The following GPC6 variants were observed in gnomAD, a reference collection of about 807,000 sequenced individuals.
GPC6 encodes the protein glypican 6.
Under a neutral mutation model 55.2 loss-of-function variants are expected in GPC6, and 14 were observed. The ratio of observed to expected loss-of-function variants is 0.25; its 90% CI spans 0.17 to 0.40. The LOEUF is 0.40. Ranked by LOEUF, GPC6 falls within the 10% of genes least tolerant of loss-of-function variation. The probability of loss-of-function intolerance (pLI) is 1.00; values close to 1 mark genes in which losing one functional copy is unlikely to be tolerated. For missense variants in GPC6, 641 were observed against 708.5 expected, an observed-to-expected ratio of 0.90 and a Z score of 1.08; for synonymous variants, 278 against 259.6, an observed-to-expected ratio of 1.07 and a Z score of -0.68.
At chr13:94,069,076 A>T (rs1884637038) in intron 4 of GPC6, among the ~76,000 whole-genome samples, 1 of 152,068 alleles carries the variant, frequency 6.6e-6, no homozygotes, top group African/African-American at 2.4e-5. Context: ...TCCATGAGGG[A>T]CCCACCCCTG....
chr13:93,818,705 C>G (rs1025596539), intron 2 of GPC6: 1 of 152,242 alleles, frequency 6.6e-6, no homozygotes, highest in Non-Finnish European at 1.5e-5. Context: ...CTCAGAAGCA[C>G]TGCTAGTGTT....
At chr13:94,164,170 A>T (rs533999251) in intron 4 of GPC6, among the ~76,000 whole-genome samples, 2 of 152,162 alleles carry the variant, frequency 1.3e-5, no homozygotes, top group Admixed American at 1.3e-4. Context: ...AACTTTGAAT[A>T]CTCGTTTTAT....
intron 1 of GPC6, among the ~76,000 whole-genome samples, chr13:93,354,349 A>ATTTTTTTTTTTTTTT (rs11454186): frequency 8.6e-6 from 1 of 115,820 alleles, no homozygotes; most frequent in Non-Finnish European, 1.6e-5. Context: ...CCGTTGGTAG[A>ATTTTTTTTTTTTTTT]TTTTTTTTTT....
At chr13:93,882,011 A>T (rs1875008377) in intron 3 of GPC6, among the ~76,000 whole-genome samples, 1 of 151,738 alleles carries the variant, frequency 6.6e-6, no homozygotes, top group Non-Finnish European at 1.5e-5. Flanking sequence ...TTTCAATCAA[A>T]ACATGGTTTT....
intron 4 of GPC6, among the ~76,000 whole-genome samples, chr13:94,264,795 A>G (rs1891747260): frequency 6.6e-6 from 1 of 150,976 alleles, no homozygotes. Flanking sequence ...TATAAAGACA[A>G]AGGGGTTTAA....
At chr13:93,918,761 C>G (rs1043858089) in intron 3 of GPC6, among the ~76,000 whole-genome samples, 1 of 152,202 alleles carries the variant, frequency 6.6e-6, no homozygotes, top group South Asian at 2.1e-4. Context: ...TAACCTGATC[C>G]AGCAGATGTT....
At chr13:93,779,215 A>C (rs1020160166) in intron 2 of GPC6, among the ~76,000 whole-genome samples, 7 of 152,154 alleles carry the variant, frequency 4.6e-5, no homozygotes, top group African/African-American at 1.7e-4. Context: ...AGCCTCTCAG[A>C]ACTTAGTATT....
At chr13:94,361,251 T>A (rs1292131861) in intron 6 of GPC6, among the ~76,000 whole-genome samples, 3 of 152,150 alleles carry the variant, frequency 2.0e-5, no homozygotes, top group Non-Finnish European at 2.9e-5. Context: ...CCCAACTAGA[T>A]CATAGCTTCT....
intron 3 of GPC6, among the ~76,000 whole-genome samples, chr13:93,947,659 CAT>C (rs1304176207): frequency 6.6e-6 from 1 of 151,986 alleles, no homozygotes; most frequent in African/African-American, 2.4e-5. Flanking sequence ...CAATCAAAGA[CAT>C]ATATGGGAAT....
chr13:93,358,230 C>A (rs1880919373), intron 1 of GPC6, among the ~76,000 whole-genome samples: 1 of 152,054 alleles, frequency 6.6e-6, no homozygotes, highest in Non-Finnish European at 1.5e-5. Flanking sequence ...CTTGTAGTCC[C>A]AGCACTCAAA....
intron 3 of GPC6, among the ~76,000 whole-genome samples, chr13:93,895,238 A>G (rs200442356): frequency 0.3 from 11,589 of 38,892 alleles, 1,203 homozygotes; most frequent in African/African-American, 0.41. Context: ...GTGTGTGTAT[A>G]TATATATATA....
intron 4 of GPC6, among the ~76,000 whole-genome samples, chr13:94,223,269 G>A (rs1890442593): frequency 6.6e-6 from 1 of 152,068 alleles, no homozygotes; most frequent in Non-Finnish European, 1.5e-5. Flanking sequence ...AAACATTATA[G>A]ATACTCCATC....
At chr13:94,318,978 G>A (rs916375581) in intron 6 of GPC6, among the ~76,000 whole-genome samples, 2 of 151,858 alleles carry the variant, frequency 1.3e-5, no homozygotes, top group Non-Finnish European at 2.9e-5. Context: ...TGTTTTAAAT[G>A]TGTCTCTTAT....
At position 94,049,491 on chromosome 13, in the gene GPC6, G is replaced by C. The variant is rs140164538; in HGVS notation, c.877+21597G>C. Among the ~76,000 whole-genome samples, 667 of 152,218 alleles carry C rather than the reference G, an allele frequency of 4.4e-3. 4 individuals carry two copies. Among genetic ancestry groups the C allele is most frequent in the African/African-American group, 0.016 (645 of 41,554 alleles). ...TTGAGCAAATAAGACTGTGAAATCA[G>C]AAGACATGAGATCTGCTTTCTAAGA... On this transcript the variant is annotated intron_variant, in intron 4 of 8. Coordinates refer to ENST00000377047, the MANE Select transcript of GPC6 (RefSeq NM_005708.5).
At chr13:93,606,540 T>C (rs2139532532) in intron 2 of GPC6, among the ~76,000 whole-genome samples, 1 of 152,324 alleles carries the variant, frequency 6.6e-6, no homozygotes, top group Admixed American at 6.5e-5. Context: ...TATGTTGTAG[T>C]GCAGTAGAGG....
At chr13:94,041,497 A>G (rs1883531489) in intron 4 of GPC6, among the ~76,000 whole-genome samples, 1 of 151,850 alleles carries the variant, frequency 6.6e-6, no homozygotes, top group African/African-American at 2.4e-5. Context: ...AGGTAATACC[A>G]CGTGTGATCT....
chr13:93,908,042 C>T (rs1207100518), intron 3 of GPC6, among the ~76,000 whole-genome samples: 1 of 151,992 alleles, frequency 6.6e-6, no homozygotes, highest in Non-Finnish European at 1.5e-5. Context: ...TGATGGGAGA[C>T]AGGAAGTGGC....
intron 2 of GPC6, among the ~76,000 whole-genome samples, chr13:93,587,862 G>GAAACTTGGTGCAAATTT (rs1566437647): frequency 6.6e-6 from 1 of 152,132 alleles, no homozygotes; most frequent in Non-Finnish European, 1.5e-5. Flanking sequence ...AATGCGTTTC[G>GAAACTTGGTGCAAATTT]AAATTTAAAA....
At chr13:93,443,902 C>A (rs1047725302) in intron 1 of GPC6, among the ~76,000 whole-genome samples, 1 of 152,148 alleles carries the variant, frequency 6.6e-6, no homozygotes, top group Non-Finnish European at 1.5e-5. Flanking sequence ...TAAATAAGTG[C>A]TTTGTAAAAC....
Sources: gnomAD v4.1 joint callset for allele counts (sites outside exome capture counted in the v4.1 genomes callset) on GRCh38, gnomAD v4.1.1 for gene constraint, MANE v1.5 for transcripts, NCBI Gene and HGNC (gene_info 2026-07-23, HGNC 2026-07-21) for gene names.